The following SLC22A24 variants were observed in gnomAD, a reference collection of about 807,000 sequenced individuals.
SLC22A24 encodes solute carrier family 22 member 24.
A neutral mutation model predicts 49.8 loss-of-function variants in SLC22A24; 53 were observed. The ratio of observed to expected loss-of-function variants is 1.06; its 90% CI spans 0.85 to 1.34. The LOEUF (loss-of-function observed/expected upper bound fraction) is 1.34, where lower values mean the gene tolerates loss of function less well. Ranked by LOEUF, SLC22A24 falls within the 40% of genes most tolerant of loss-of-function variation. The pLI is 0.00. For missense variants in SLC22A24, 786 were observed against 675.9 expected (o/e 1.16, Z -1.81); for synonymous variants, 302 against 256.4 (o/e 1.18, Z -1.70).
rs760260670 is a variant in SLC22A24 at position 63,083,278 on chromosome 11, C to G, written c.1250G>C (p.Gly417Ala). The G allele has an allele frequency of 3.8e-6, 6 of 1,560,428 alleles. No individual in the cohort carries two copies. Among genetic ancestry groups the G allele is most frequent in the Admixed American group, 1.9e-5 (1 of 52,058 alleles). The change falls in exon 7 of 10, where the codon GGA becomes GCA. Residue 417 changes from glycine to alanine, a missense_variant. Physicochemically the swap from Gly to Ala is moderately conservative, Grantham distance 60 (BLOSUM62 0). Coordinates refer to ENST00000612278, the MANE Select transcript of SLC22A24 (RefSeq NM_001136506.2). The stretch of plus-strand genomic sequence containing the variant: ...AAAGGTGTTGACCAGAATGAAAAGT[C>G]CCACCGGGAACGTGAACAATATCTG... ...ISQILFTFPV[G>A]LFILVNTFLP...
At chr11:63,113,699 C>T (rs1050999432) in intron 4 of SLC22A24, among the ~76,000 whole-genome samples, 3 of 151,732 alleles carry the variant, frequency 2.0e-5, no homozygotes, top group Non-Finnish European at 4.4e-5. Flanking sequence ...ACTAAAAATA[C>T]AAAAATTAGC....
At chr11:63,133,777 G>A (rs1018401533) in intron 2 of SLC22A24, among the ~76,000 whole-genome samples, 1 of 152,058 alleles carries the variant, frequency 6.6e-6, no homozygotes. Flanking sequence ...GAATAGCTGG[G>A]AGCTATATAG....
At chr11:63,098,282 G>A (rs1005059279) in intron 5 of SLC22A24, among the ~76,000 whole-genome samples, 7 of 152,068 alleles carry the variant, frequency 4.6e-5, no homozygotes, top group African/African-American at 1.7e-4. Context: ...AAATGAAAGT[G>A]GACACACAAC....
chr11:63,080,947 G>A lies in SLC22A24; in HGVS notation c.1571C>T (p.Pro524Leu). 1 of 1,552,258 alleles carries A rather than the reference G, an allele frequency of 6.4e-7. No homozygotes were observed. The change falls in exon 9 of 10, where the codon CCT becomes CTT. Residue 524 changes from proline to leucine, a missense_variant. Pro to Leu is a moderately conservative substitution (Grantham distance 98). Coordinates refer to ENST00000612278, the MANE Select transcript of SLC22A24 (RefSeq NM_001136506.2). The part of the protein sequence containing the change: ...LLPETRDLPL[P>L]NTIQDVENDR... ...ATTTTCCACATCCTGGATGGTGTTA[G>A]GAAGAGGTAGATCCCTGGTTTCTGG...
At chr11:63,091,475 TA>T (rs1432359733) in intron 6 of SLC22A24, among the ~76,000 whole-genome samples, 1 of 152,176 alleles carries the variant, frequency 6.6e-6, no homozygotes, top group Non-Finnish European at 1.5e-5. Flanking sequence ...TTCAGGCCAA[TA>T]TCCCTGGTGA....
At chr11:63,100,254 G>A (rs1415096759) in intron 5 of SLC22A24, among the ~76,000 whole-genome samples, 2 of 152,068 alleles carry the variant, frequency 1.3e-5, no homozygotes, top group African/African-American at 2.4e-5. Context: ...TAAAAAATAA[G>A]TGGCATTTCT....
At chr11:63,109,600 A>G (rs1251000143) in intron 4 of SLC22A24, among the ~76,000 whole-genome samples, 3 of 150,232 alleles carry the variant, frequency 2.0e-5, no homozygotes, top group African/African-American at 7.3e-5. Flanking sequence ...ATGGCCAGTG[A>G]TGGTGAGCAT....
In SLC22A24 at chr11:63,143,593, C is replaced by A; in HGVS notation, c.187G>T (p.Asp63Tyr). 1 of 1,571,044 alleles carries A rather than the reference C, an allele frequency of 6.4e-7. No homozygotes were observed. Among genetic ancestry groups the A allele is most frequent in the South Asian group, 1.2e-5 (1 of 83,328 alleles). ...LLDNDTVSDN[D>Y]TGTLSKDDLL... is the part of the protein sequence containing the mutation. ...TCATCCTTGCTGAGGGTCCCGGTAT[C>A]ATTGTCAGACACAGTGTCATTGTCC... The change falls in exon 1 of 10, where the codon GAT (aspartate) becomes TAT (tyrosine). Residue 63 changes from aspartate to tyrosine, a missense_variant. Transcript: ENST00000612278.
At chr11:63,111,237 T>C (rs904782448) in intron 4 of SLC22A24, among the ~76,000 whole-genome samples, 1 of 151,890 alleles carries the variant, frequency 6.6e-6, no homozygotes, top group African/African-American at 2.4e-5. Context: ...GATGTGCTGC[T>C]GGATTCGGTT....
intron 4 of SLC22A24, among the ~76,000 whole-genome samples, chr11:63,107,885 A>G (rs2087132499): frequency 6.6e-6 from 1 of 152,098 alleles, no homozygotes; most frequent in African/African-American, 2.4e-5. Flanking sequence ...GCAAACATGG[A>G]CAATTTGACT....
intron 4 of SLC22A24, 142 bp from the exon 5 acceptor site, chr11:63,104,440 T>G: frequency 1.2e-6 from 1 of 802,922 alleles, no homozygotes; most frequent in Non-Finnish European, 1.9e-6. Flanking sequence ...TGGCCTCCTC[T>G]GCTGGACTCC....
intron 2 of SLC22A24, among the ~76,000 whole-genome samples, chr11:63,120,056 T>C (rs2087240297): frequency 6.6e-6 from 1 of 151,606 alleles, no homozygotes; most frequent in African/African-American, 2.4e-5. Context: ...GAAAATTTTC[T>C]CCGATTTTGT....
intron 6 of SLC22A24, among the ~76,000 whole-genome samples, chr11:63,093,971 T>G (rs947498035): frequency 4.4e-5 from 4 of 91,010 alleles, no homozygotes; most frequent in African/African-American, 1.3e-4. Flanking sequence ...CCAAAATTCT[T>G]TTTTTCCTGT....
chr11:63,136,198 C>T (rs940426032), intron 1 of SLC22A24, among the ~76,000 whole-genome samples: 7 of 152,156 alleles, frequency 4.6e-5, no homozygotes, highest in African/African-American at 1.4e-4. Context: ...AGCTCAGTGA[C>T]TGGATTGAGA....
intron 2 of SLC22A24, among the ~76,000 whole-genome samples, chr11:63,127,132 C>T (rs2087297279): frequency 1.3e-5 from 2 of 152,128 alleles, no homozygotes; most frequent in Non-Finnish European, 2.9e-5. Flanking sequence ...TGCCCCAGCC[C>T]CCCACTCCCT....
At chr11:63,110,180 G>A (rs1028176298) in intron 4 of SLC22A24, among the ~76,000 whole-genome samples, 4 of 150,976 alleles carry the variant, frequency 2.6e-5, no homozygotes, top group African/African-American at 7.3e-5. Context: ...TTATTTCTGA[G>A]GGCTCTGTTC....
intron 5 of SLC22A24, among the ~76,000 whole-genome samples, chr11:63,098,529 A>T (rs1238000936): frequency 6.6e-6 from 1 of 152,028 alleles, no homozygotes; most frequent in Non-Finnish European, 1.5e-5. Flanking sequence ...TTAGCCAGGC[A>T]TGGTGGCACA....
At chr11:63,113,995 A>T (rs961566390) in intron 4 of SLC22A24, among the ~76,000 whole-genome samples, 1 of 151,388 alleles carries the variant, frequency 6.6e-6, no homozygotes, top group African/African-American at 2.4e-5. Flanking sequence ...TGCCCTTAAC[A>T]TTTTTTCCTT....
intron 9 of SLC22A24, 82 bp downstream of exon 9, chr11:63,080,838 A>G (rs1055421752): frequency 8.0e-7 from 1 of 1,248,730 alleles, no homozygotes. Flanking sequence ...AGAGGGCCCC[A>G]AATGGTCGTT....
Sources: allele counts gnomAD v4.1 joint callset (sites outside exome capture counted in the v4.1 genomes callset), GRCh38; gene constraint gnomAD v4.1.1; transcripts MANE v1.5; gene names NCBI Gene and HGNC (gene_info 2026-07-23, HGNC 2026-07-21).